Variants in MARCHF1 observed in about 807,000 individuals in gnomAD.
The protein encoded by MARCHF1 is E3 ubiquitin-protein ligase MARCHF1.
In MARCHF1, 40 loss-of-function variants were observed where a neutral mutation model predicts 54.2. That is an observed-to-expected ratio of 0.74 (90% confidence interval 0.57 to 0.96). The LOEUF is 0.96. MARCHF1 is among the 40% of genes least tolerant of loss of function. MARCHF1 has a pLI of 0.00. For synonymous variants in MARCHF1, 236 were observed against 236.3 expected (o/e 1.00, Z 0.01); for missense variants, 586 against 656.5 (o/e 0.89, Z 1.17).
At chr4:164,321,070 G>C (rs1030604128) in intron 1 of MARCHF1, among the ~76,000 whole-genome samples, 1 of 152,294 alleles carries the variant, frequency 6.6e-6, no homozygotes, top group Non-Finnish European at 1.5e-5. Context: ...AGGGCGACAG[G>C]CTACTCCAAC....
At chr4:163,925,591 C>T (rs925300822) in intron 3 of MARCHF1, among the ~76,000 whole-genome samples, 6 of 151,758 alleles carry the variant, frequency 4.0e-5, no homozygotes, top group Non-Finnish European at 7.4e-5. Flanking sequence ...AAAATCCTCA[C>T]GTGTTACCAG....
Position 164,376,932 on chromosome 4 carries a change from T to C in MARCHF1, c.-323+6938A>G, listed in dbSNP as rs553172651. ...GATATACTTCATGAGAATCAGATCA[T>C]TGCTCACCACAGTCAGCCCCAATGA... On this transcript the variant is annotated intron_variant, in intron 1 of 9. Transcript: ENST00000514618. 2.3e-3 allele frequency among the ~76,000 whole-genome samples: 354 copies of C among 152,284 alleles called. 1 individual carries two copies. Among genetic ancestry groups the C allele is most frequent in the African/African-American group, 8.0e-3 (333 of 41,550 alleles).
intron 1 of MARCHF1, among the ~76,000 whole-genome samples, chr4:164,166,697 G>A (rs1010215123): frequency 3.3e-5 from 5 of 151,736 alleles, no homozygotes; most frequent in African/African-American, 1.2e-4. Context: ...AAGAATGGAA[G>A]AAGTAAAATT....
At chr4:163,995,743 A>G (rs1239753073) in intron 2 of MARCHF1, among the ~76,000 whole-genome samples, 1 of 152,044 alleles carries the variant, frequency 6.6e-6, no homozygotes. Context: ...GCACCCTACC[A>G]TTTGACGACC....
At chr4:164,186,403 T>C (rs928822728) in intron 1 of MARCHF1, among the ~76,000 whole-genome samples, 4 of 152,208 alleles carry the variant, frequency 2.6e-5, no homozygotes, top group African/African-American at 9.6e-5. Context: ...TTCTATTTTG[T>C]AAAAAATTGA....
intron 4 of MARCHF1, among the ~76,000 whole-genome samples, chr4:163,775,233 C>T (rs902306485): frequency 2.6e-5 from 4 of 152,156 alleles, no homozygotes; most frequent in African/African-American, 4.8e-5. Flanking sequence ...TATTAGCATG[C>T]TTTGCTTGCT....
intron 1 of MARCHF1, among the ~76,000 whole-genome samples, chr4:164,230,668 C>G (rs1249212739): frequency 6.6e-6 from 1 of 152,104 alleles, no homozygotes; most frequent in African/African-American, 2.4e-5. Flanking sequence ...CACCATTCTA[C>G]TATCTACCTC....
intron 1 of MARCHF1, among the ~76,000 whole-genome samples, chr4:164,362,907 C>A (rs565577788): frequency 1.2e-4 from 19 of 152,054 alleles, no homozygotes; most frequent in African/African-American, 4.3e-4. Context: ...AAAACTGTTT[C>A]TCTGCAATAT....
chr4:164,123,681 A>G (rs1461983396), intron 1 of MARCHF1, among the ~76,000 whole-genome samples: 1 of 152,164 alleles, frequency 6.6e-6, no homozygotes, highest in East Asian at 1.9e-4. Flanking sequence ...CAAAGATGCC[A>G]AGAACATACA....
chr4:163,786,997 C>A (rs1465656852), intron 4 of MARCHF1, among the ~76,000 whole-genome samples: 1 of 151,770 alleles, frequency 6.6e-6, no homozygotes, highest in Non-Finnish European at 1.5e-5. Context: ...GTCTCTAGAG[C>A]AGATGATGAT....
At chr4:164,029,368 G>T (rs1431631850) in intron 2 of MARCHF1, among the ~76,000 whole-genome samples, 2 of 151,830 alleles carry the variant, frequency 1.3e-5, no homozygotes, top group African/African-American at 4.8e-5. Flanking sequence ...TAAATGACCA[G>T]ATGTCATGAG....
At chr4:164,164,716 T>C (rs2110953498) in intron 1 of MARCHF1, among the ~76,000 whole-genome samples, 1 of 152,112 alleles carries the variant, frequency 6.6e-6, no homozygotes, top group South Asian at 2.1e-4. Flanking sequence ...GTAGAGAACC[T>C]TCATGGATTG....
chr4:163,788,833 C>T (rs537171044), intron 4 of MARCHF1, among the ~76,000 whole-genome samples: 38 of 152,124 alleles, frequency 2.5e-4, no homozygotes, highest in African/African-American at 8.7e-4. Context: ...AGAGTAGGGA[C>T]GTAAGTTTGC....
chr4:163,649,090 A>T (rs1742871160), intron 5 of MARCHF1, among the ~76,000 whole-genome samples: 1 of 152,060 alleles, frequency 6.6e-6, no homozygotes, highest in African/African-American at 2.4e-5. Flanking sequence ...TTTTTCTAGA[A>T]TATGCTGAGC....
intron 1 of MARCHF1, among the ~76,000 whole-genome samples, chr4:164,239,080 T>A (rs1186841746): frequency 6.6e-6 from 1 of 152,054 alleles, no homozygotes; most frequent in Non-Finnish European, 1.5e-5. Flanking sequence ...GTATTTCTTC[T>A]CAGCTTCTTC....
At chr4:164,131,388 ATTCT>A (rs1320259633) in intron 1 of MARCHF1, among the ~76,000 whole-genome samples, 10 of 152,008 alleles carry the variant, frequency 6.6e-5, no homozygotes, top group Admixed American at 1.3e-4. Flanking sequence ...ATGTGAAAAA[ATTCT>A]TTCTGTCAGA....
intron 1 of MARCHF1, among the ~76,000 whole-genome samples, chr4:164,360,784 TATA>T (rs1730701313): frequency 6.6e-6 from 1 of 152,128 alleles, no homozygotes; most frequent in Admixed American, 6.5e-5. Context: ...TATATCAATT[TATA>T]ATAATAGCTA....
At chr4:163,539,680 T>C (rs1307764723) in intron 9 of MARCHF1, among the ~76,000 whole-genome samples, 1 of 152,242 alleles carries the variant, frequency 6.6e-6, no homozygotes, top group Non-Finnish European at 1.5e-5. Flanking sequence ...CACTGGCGTT[T>C]AGTCATAGTG....
intron 2 of MARCHF1, among the ~76,000 whole-genome samples, chr4:164,004,959 AG>A (rs1753257290): frequency 6.6e-6 from 1 of 152,100 alleles, no homozygotes; most frequent in South Asian, 2.1e-4. Context: ...CATTAAAAAA[AG>A]GTCAATAAAA....
Sources: allele counts gnomAD v4.1 joint callset (sites outside exome capture counted in the v4.1 genomes callset), GRCh38; gene constraint gnomAD v4.1.1; transcripts MANE v1.5; gene names NCBI Gene and HGNC (gene_info 2026-07-23, HGNC 2026-07-21).